Variants in ELOVL6 observed in about 807,000 individuals in gnomAD.
ELOVL6 encodes the protein ELOVL fatty acid elongase 6.
ELOVL6 carries 8 observed loss-of-function variants against 31.7 expected under a neutral mutation model. The observed-to-expected ratio is 0.25, with a 90% CI of 0.15 to 0.45. The LOEUF (loss-of-function observed/expected upper bound fraction) is 0.45, where lower values mean the gene tolerates loss of function less well. ELOVL6 is among the 20% of genes least tolerant of loss of function. The pLI, the probability that ELOVL6 is intolerant of heterozygous loss-of-function variation, is 1.00. For missense variants in ELOVL6, 126 were observed against 326.4 expected (o/e 0.39, Z 4.73); for synonymous variants, 101 against 117.7 (o/e 0.86, Z 0.92).
chr4:110,172,138 G>GGCT (rs998956516), intron 1 of ELOVL6, among the ~76,000 whole-genome samples: 2 of 152,066 alleles, frequency 1.3e-5, no homozygotes, highest in Admixed American at 6.6e-5. Flanking sequence ...TGTGACTCTT[G>GGCT]GCTGGGGAGA....
At chr4:110,074,123 G>A (rs548150353) in intron 2 of ELOVL6, among the ~76,000 whole-genome samples, 3 of 152,196 alleles carry the variant, frequency 2.0e-5, no homozygotes, top group East Asian at 1.9e-4. Flanking sequence ...CAATATCAGG[G>A]AGACTTGTCC....
In ELOVL6 at chr4:110,154,016, T is replaced by C. The variant is rs1047752880; in HGVS notation, c.89+44231A>G. On this transcript the variant is annotated intron_variant, in intron 1 of 3. Coordinates refer to ENST00000302274, the MANE Select transcript of ELOVL6 (RefSeq NM_024090.3). ...ATTAAAATTACCAATTCCACTTTTA[T>C]TTAGTAAAATTAAGAAATTTTAAAA... Among the ~76,000 whole-genome samples the C allele has an allele frequency of 3.3e-5, 5 of 152,310 alleles. No individual in the cohort carries two copies. In the South Asian group the frequency reaches 8.3e-4, roughly 25 times the overall value.
intron 1 of ELOVL6, among the ~76,000 whole-genome samples, chr4:110,169,054 T>G (rs1323951011): frequency 1.3e-5 from 2 of 152,066 alleles, no homozygotes; most frequent in Admixed American, 1.3e-4. Context: ...CTAGACCTCT[T>G]GGGCTCAAGC....
intron 1 of ELOVL6, among the ~76,000 whole-genome samples, chr4:110,168,575 T>C (rs1042931323): frequency 6.6e-6 from 1 of 151,898 alleles, no homozygotes; most frequent in South Asian, 2.1e-4. Flanking sequence ...TTTCAAAAAC[T>C]GCTCTCACGT....
At chr4:110,130,253 C>G (rs570303685) in intron 1 of ELOVL6, among the ~76,000 whole-genome samples, 1 of 152,200 alleles carries the variant, frequency 6.6e-6, no homozygotes, top group East Asian at 1.9e-4. Flanking sequence ...ATGTAAGGCA[C>G]TAAGTTCTGT....
intron 1 of ELOVL6, among the ~76,000 whole-genome samples, chr4:110,118,458 CTG>C (rs1396683444): frequency 1.3e-5 from 2 of 152,184 alleles, no homozygotes; most frequent in African/African-American, 4.8e-5. Flanking sequence ...CTATTCTACT[CTG>C]TTTCTACATT....
At chr4:110,076,847 G>C (rs1242532502) in intron 2 of ELOVL6, among the ~76,000 whole-genome samples, 2 of 152,170 alleles carry the variant, frequency 1.3e-5, no homozygotes, top group Non-Finnish European at 2.9e-5. Context: ...CAAAGAAAGG[G>C]GTGACAGACA....
intron 2 of ELOVL6, among the ~76,000 whole-genome samples, chr4:110,061,526 G>C (rs973403797): frequency 8.4e-6 from 1 of 119,580 alleles, no homozygotes; most frequent in Admixed American, 9.2e-5. Flanking sequence ...TTTGTGTACT[G>C]TCTTTCCCTC....
chr4:110,181,460 A>G (rs1237791372), intron 1 of ELOVL6, among the ~76,000 whole-genome samples: 1 of 152,080 alleles, frequency 6.6e-6, no homozygotes, highest in Non-Finnish European at 1.5e-5. Flanking sequence ...ATAAATAAAT[A>G]AATAAAGTTA....
At chr4:110,138,733 T>C (rs1004669905) in intron 1 of ELOVL6, among the ~76,000 whole-genome samples, 2 of 122,132 alleles carry the variant, frequency 1.6e-5, no homozygotes, top group Non-Finnish European at 3.3e-5. Context: ...GATGTGTGGA[T>C]GTGGGGTGGG....
intron 3 of ELOVL6, among the ~76,000 whole-genome samples, chr4:110,055,414 G>A (rs898083002): frequency 6.6e-6 from 1 of 152,150 alleles, no homozygotes; most frequent in African/African-American, 2.4e-5. Context: ...ACTCTCGAAC[G>A]TTTCAGTCCT....
chr4:110,120,667 T>C (rs567736545), intron 1 of ELOVL6, among the ~76,000 whole-genome samples: 8 of 152,098 alleles, frequency 5.3e-5, no homozygotes, highest in African/African-American at 1.9e-4. Context: ...TTCTAGGTAC[T>C]GATGGAGGTG....
rs141286593 is a variant in ELOVL6, at chr4:110,104,552, T to A, written c.221+945A>T. ...AACTAATGAAGCTTTAATGATAACA[T>A]CCATTTCTGCTTAGAACAGTTAATA... On this transcript the variant is annotated intron_variant, in intron 2 of 3. Transcript: ENST00000302274. 6.1e-4 allele frequency among the ~76,000 whole-genome samples: 93 copies of A among 152,280 alleles called. 1 individual carries two copies. Among genetic ancestry groups the A allele is most frequent in the East Asian group, 3.9e-3 (20 of 5,192 alleles).
chr4:110,144,065 A>C, intron 1 of ELOVL6, among the ~76,000 whole-genome samples: 1 of 151,940 alleles, frequency 6.6e-6, no homozygotes, highest in East Asian at 1.9e-4. Flanking sequence ...AAAAAAAAAA[A>C]AAAAAAAAAA....
chr4:110,102,526 G>A (rs559696181), intron 2 of ELOVL6, among the ~76,000 whole-genome samples: 1 of 152,056 alleles, frequency 6.6e-6, no homozygotes, highest in South Asian at 2.1e-4. Context: ...GGCCGTGGTG[G>A]TACATGCCCA....
chr4:110,070,651 T>C (rs1353787557), intron 2 of ELOVL6, among the ~76,000 whole-genome samples: 1 of 152,148 alleles, frequency 6.6e-6, no homozygotes, highest in Non-Finnish European at 1.5e-5. Context: ...TGGGAGGTGA[T>C]TGGAGGGGTG....
rs12504798 is a variant in ELOVL6 at position 110,121,184 on chromosome 4, T to C, written c.90-15556A>G. Reference sequence around the variant, plus strand: ...GGCAGGGAATAGCCAAGTCAAGAACTATCTTCAAAGGTAAAATTTACCAGA... The same window carrying C: ...GGCAGGGAATAGCCAAGTCAAGAACCATCTTCAAAGGTAAAATTTACCAGA... On this transcript the variant is annotated intron_variant, in intron 1 of 3. Coordinates refer to ENST00000302274, the MANE Select transcript of ELOVL6 (RefSeq NM_024090.3). Among the ~76,000 whole-genome samples, 2,825 of 152,310 alleles carry C rather than the reference T, an allele frequency of 0.019. 214 individuals carry two copies. In the East Asian group the frequency reaches 0.2, roughly 11 times the overall value.
chr4:110,190,002 G>A (rs1759567108), intron 1 of ELOVL6, among the ~76,000 whole-genome samples: 2 of 151,666 alleles, frequency 1.3e-5, no homozygotes, highest in African/African-American at 4.8e-5. Flanking sequence ...AACCTCATGT[G>A]TGTTTTGAGG....
chr4:110,151,877 T>G (rs1344369340), intron 1 of ELOVL6, among the ~76,000 whole-genome samples: 1 of 152,216 alleles, frequency 6.6e-6, no homozygotes, highest in Admixed American at 6.5e-5. Context: ...AGGACTGCTG[T>G]GAAGATTAAC....
Sources: gnomAD v4.1 joint callset for allele counts (sites outside exome capture counted in the v4.1 genomes callset) on GRCh38, gnomAD v4.1.1 for gene constraint, MANE v1.5 for transcripts, NCBI Gene and HGNC (gene_info 2026-07-23, HGNC 2026-07-21) for gene names.